Variants in SMIM36 observed in about 807,000 individuals in gnomAD.
The protein encoded by SMIM36 is small integral membrane protein 36.
At chr17:55,501,170 T>C in intron 1 of SMIM36, among the ~76,000 whole-genome samples, 1 of 92,246 alleles carries the variant, frequency 1.1e-5, no homozygotes. Flanking sequence ...TAATATATCT[T>C]ATATATTATA....
At chr17:55,463,886 CA>C (rs1909188610) in intron 4 of SMIM36, among the ~76,000 whole-genome samples, 2 of 151,992 alleles carry the variant, frequency 1.3e-5, no homozygotes, top group African/African-American at 4.8e-5. Context: ...GAGGCTAAGA[CA>C]GGGGGATCAC....
At chr17:55,509,256 C>T (rs1457907245) in intron 1 of SMIM36, among the ~76,000 whole-genome samples, 1 of 152,150 alleles carries the variant, frequency 6.6e-6, no homozygotes, top group Non-Finnish European at 1.5e-5. Flanking sequence ...GTTTTCTTCA[C>T]ATGTTGGACA....
In SMIM36 at chr17:55,470,001, A is replaced by C. The variant is rs188602585; in HGVS notation, c.*348-2673T>G. ...CCATCTAAAAAAAAAACAAAAAAAAACCACAACTTCAAAACACCTAAACTG... is the reference window on the plus strand; with the variant it reads ...CCATCTAAAAAAAAAACAAAAAAAACCCACAACTTCAAAACACCTAAACTG... On this transcript the variant is annotated intron_variant, in intron 3 of 4. Coordinates refer to ENST00000636752, the Ensembl canonical transcript of SMIM36. 9.7e-3 allele frequency among the ~76,000 whole-genome samples: 1,472 copies of C among 151,898 alleles called. 6 individuals are homozygous for C. Among genetic ancestry groups the C allele is most frequent in the Non-Finnish European group, 0.014 (978 of 67,942 alleles).
chr17:55,478,089 G>C (rs889808725), intron 3 of SMIM36, among the ~76,000 whole-genome samples: 5 of 152,006 alleles, frequency 3.3e-5, no homozygotes, highest in East Asian at 3.9e-4. Flanking sequence ...AGGCTGAGGT[G>C]AGAGAACCAC....
At chr17:55,489,049 A>G (rs1455843601) in intron 1 of SMIM36, among the ~76,000 whole-genome samples, 1 of 152,152 alleles carries the variant, frequency 6.6e-6, no homozygotes, top group Non-Finnish European at 1.5e-5. Context: ...AACATGTACA[A>G]TAGGGAAACT....
chr17:55,450,578 T>C (rs1908893640), intron 4 of SMIM36, among the ~76,000 whole-genome samples: 2 of 152,160 alleles, frequency 1.3e-5, no homozygotes, highest in Non-Finnish European at 2.9e-5. Flanking sequence ...CTCAGAGAAG[T>C]GAAGCGACTT....
At chr17:55,524,627 A>G in the SMIM36 span, among the ~76,000 whole-genome samples, 1 of 152,098 alleles carries the variant, frequency 6.6e-6, no homozygotes, top group Non-Finnish European at 1.5e-5. Flanking sequence ...CTGGTATGAG[A>G]TGGTATCTCA....
intron 1 of SMIM36, among the ~76,000 whole-genome samples, chr17:55,507,800 C>T (rs572780284): frequency 2.5e-4 from 38 of 152,212 alleles, no homozygotes; most frequent in African/African-American, 7.7e-4. Flanking sequence ...TTACCTCTTC[C>T]GAACTGCAAT....
chr17:55,525,490 C>T, the SMIM36 span, among the ~76,000 whole-genome samples: 1 of 152,164 alleles, frequency 6.6e-6, no homozygotes, highest in South Asian at 2.1e-4. Flanking sequence ...TAATAATGTA[C>T]TTCCCAATTA....
rs546258166 is a variant in SMIM36 at position 55,466,853 on chromosome 17, T to A, written c.*531+292A>T. Among the ~76,000 whole-genome samples the A allele has an allele frequency of 2.0e-5, 3 of 152,360 alleles. No homozygotes were observed. In the South Asian group the frequency reaches 6.2e-4, roughly 32 times the overall value. ...CTCTTAAGCAGCAAGTTCTTTTGCG[T>A]AAGTCCAACCTGCTGACTTGCTCCG... On this transcript the variant is annotated intron_variant, in intron 4 of 4. Coordinates refer to ENST00000636752, the Ensembl canonical transcript of SMIM36.
Position 55,500,984 on chromosome 17 carries a change from T to A in SMIM36, c.*174+9895A>T, listed in dbSNP as rs1236493163. On this transcript the variant is annotated intron_variant, in intron 1 of 4. Coordinates refer to ENST00000636752, the Ensembl canonical transcript of SMIM36. The stretch of plus-strand genomic sequence containing the variant: ...TTTTATAATATATATTATAATATAT[T>A]ATATATTATAATATGTAACATATTA... Among the ~76,000 whole-genome samples, 48 of 51,698 alleles carry A rather than the reference T, an allele frequency of 9.3e-4. 14 individuals are homozygous for A. The highest frequency in any genetic ancestry group is 5.8e-3 in the Admixed American group (16 of 2,748). 33.9% of individuals were successfully genotyped at this position (51,698 alleles called of 152,430 possible). A position where few individuals can be genotyped will look rare whatever the true frequency, so the allele number is the denominator to read the frequency against.
the SMIM36 span, among the ~76,000 whole-genome samples, chr17:55,520,455 T>C: frequency 1.3e-5 from 2 of 152,194 alleles, no homozygotes; most frequent in Non-Finnish European, 2.9e-5. Flanking sequence ...CATATCCGAA[T>C]TGCTGGCATC....
rs1409816809 is a variant in SMIM36 at position 55,492,632 on chromosome 17, A to AAC, written c.*175-13053_*175-13052insGT. Reference sequence around the variant, plus strand: ...TTTCTAACAAATACACCCACTTAAAAAAAAAAAAAGAAAAACACACACACA... The same window carrying AAC: ...TTTCTAACAAATACACCCACTTAAAAACAAAAAAAAAGAAAAACACACACACA... On this transcript the variant is annotated intron_variant, in intron 1 of 4. Coordinates refer to ENST00000636752, the Ensembl canonical transcript of SMIM36. Among the ~76,000 whole-genome samples the AAC allele has an allele frequency of 2.0e-5, 3 of 151,940 alleles. No homozygotes were observed. The East Asian group carries it at 5.8e-4, about 29-fold the overall frequency.
intron 1 of SMIM36, among the ~76,000 whole-genome samples, chr17:55,483,822 C>T (rs2143280350): frequency 6.6e-6 from 1 of 152,222 alleles, no homozygotes; most frequent in Admixed American, 6.5e-5. Context: ...ATGGGTTTCA[C>T]CACATTGGCC....
intron 1 of SMIM36, among the ~76,000 whole-genome samples, chr17:55,482,521 C>T (rs1909537934): frequency 6.6e-6 from 1 of 152,176 alleles, no homozygotes; most frequent in Non-Finnish European, 1.5e-5. Flanking sequence ...ATTATGGTTT[C>T]TTCCTCTTAA....
At chr17:55,468,485 T>C (rs1027327403) in intron 3 of SMIM36, 1 of 153,204 alleles carries the variant, frequency 6.5e-6, no homozygotes, top group African/African-American at 2.4e-5. Context: ...CAGCCTTCCG[T>C]TGGTGTCTGA....
At chr17:55,499,828 CATT>C (rs1156281686) in intron 1 of SMIM36, among the ~76,000 whole-genome samples, 2 of 152,116 alleles carry the variant, frequency 1.3e-5, no homozygotes. Context: ...AATATTAAAA[CATT>C]AGGTGGAACC....
the SMIM36 span, among the ~76,000 whole-genome samples, chr17:55,531,314 T>G: frequency 6.6e-6 from 1 of 152,234 alleles, no homozygotes; most frequent in South Asian, 2.1e-4. Context: ...CCTCATGGAT[T>G]CTTCAAAACT....
intron 1 of SMIM36, among the ~76,000 whole-genome samples, chr17:55,500,889 ATTATAATATATTATATTATAATATATT>A (rs1909911158): frequency 4.0e-5 from 1 of 24,824 alleles, no homozygotes; most frequent in African/African-American, 6.8e-4. Context: ...TATAATATAT[ATTATAATATATTATATTATAATATATT>A]ATAATATATT....
Sources: allele counts gnomAD v4.1 joint callset (sites outside exome capture counted in the v4.1 genomes callset), GRCh38; gene constraint gnomAD v4.1.1; transcripts MANE v1.5; gene names NCBI Gene and HGNC (gene_info 2026-07-23, HGNC 2026-07-21).